Variants in MAJIN observed in about 807,000 individuals in gnomAD.
MAJIN encodes the protein membrane anchored junction protein, also known as membrane-anchored junction protein.
Under a neutral mutation model 30.2 loss-of-function variants are expected in MAJIN, and 27 were observed. That is an observed-to-expected ratio of 0.89 (90% confidence interval 0.66 to 1.23). MAJIN has a LOEUF of 1.23. Among genes scored for constraint, MAJIN ranks in the 50% most tolerant of loss-of-function variants. The pLI is 0.00. For synonymous variants in MAJIN, 78 were observed against 91.6 expected (o/e 0.85, Z 0.85); for missense variants, 253 against 260.3 (o/e 0.97, Z 0.19).
chr11:64,956,968 T>A (rs936937364), intron 3 of MAJIN, among the ~76,000 whole-genome samples: 1 of 152,090 alleles, frequency 6.6e-6, no homozygotes, highest in Non-Finnish European at 1.5e-5. Flanking sequence ...GGTTTCACCA[T>A]GTTGGCCAGA....
At chr11:64,955,954 G>A (rs2136779260) in intron 3 of MAJIN, among the ~76,000 whole-genome samples, 1 of 152,292 alleles carries the variant, frequency 6.6e-6, no homozygotes, top group South Asian at 2.1e-4. Context: ...ATCACCTGAG[G>A]TCAGGAGTTC....
intron 9 of MAJIN, among the ~76,000 whole-genome samples, 195 bp downstream of exon 9, chr11:64,940,379 G>A (rs1219739198): frequency 6.6e-6 from 1 of 152,122 alleles, no homozygotes; most frequent in Non-Finnish European, 1.5e-5. Context: ...CACTCCTTCT[G>A]GGAGCTGGGG....
chr11:64,963,945 C>A (rs1265356200), intron 1 of MAJIN, among the ~76,000 whole-genome samples: 3 of 152,136 alleles, frequency 2.0e-5, no homozygotes, highest in Admixed American at 2.0e-4. Context: ...ACTAGCTGCT[C>A]CTTCCACATT....
At chr11:64,943,940 C>T (rs1159271783) in intron 8 of MAJIN, among the ~76,000 whole-genome samples, 2 of 152,174 alleles carry the variant, frequency 1.3e-5, no homozygotes, top group Non-Finnish European at 2.9e-5. Flanking sequence ...GACTATCTGC[C>T]CAAAATCACT....
Position 64,959,296 on chromosome 11 carries a change from T to G in MAJIN, c.101+9A>C. ...TTTGCATAGGCTACCCTCCTACCTT[T>G]GAAATTACCTGATACTCTTCCCATA... On this transcript the variant is annotated intron_variant, in intron 3 of 10. Coordinates refer to ENST00000301896, the MANE Select transcript of MAJIN (RefSeq NM_001037225.3). The G allele has an allele frequency of 9.4e-6, 15 of 1,604,044 alleles. No individual in the cohort carries two copies. Among genetic ancestry groups the G allele is most frequent in the Non-Finnish European group, 1.1e-5 (13 of 1,170,906 alleles).
At chr11:64,940,240 T>C (rs1232514723) in intron 9 of MAJIN, among the ~76,000 whole-genome samples, 1 of 152,110 alleles carries the variant, frequency 6.6e-6, no homozygotes, top group Non-Finnish European at 1.5e-5. Flanking sequence ...TCTCCAACAG[T>C]ACAGAAAAGG....
intron 8 of MAJIN, among the ~76,000 whole-genome samples, chr11:64,945,638 T>A (rs1472749949): frequency 6.6e-6 from 1 of 151,874 alleles, no homozygotes; most frequent in Non-Finnish European, 1.5e-5. Context: ...TGGGTTCAAG[T>A]GATTCTCCTG....
intron 3 of MAJIN, among the ~76,000 whole-genome samples, chr11:64,958,615 A>G (rs887195280): frequency 4.6e-5 from 7 of 150,974 alleles, no homozygotes; most frequent in African/African-American, 1.7e-4. Flanking sequence ...AAAAAAAAAA[A>G]AAGAAAGAAA....
At chr11:64,945,867 C>T (rs1429461015) in intron 8 of MAJIN, among the ~76,000 whole-genome samples, 1 of 152,134 alleles carries the variant, frequency 6.6e-6, no homozygotes, top group Admixed American at 6.5e-5. Flanking sequence ...AAAAATTCAT[C>T]GATGCGTGTA....
At chr11:64,954,867 A>C (rs1945607976) in intron 3 of MAJIN, 65 bp from the exon 4 acceptor site, 4 of 1,396,716 alleles carry the variant, frequency 2.9e-6, no homozygotes, top group Admixed American at 2.2e-5. Context: ...AGTAGACTCT[A>C]CTAGGGCAAA....
At chr11:64,958,189 C>CA (rs1554972280) in intron 3 of MAJIN, among the ~76,000 whole-genome samples, 1 of 150,000 alleles carries the variant, frequency 6.7e-6, no homozygotes, top group Admixed American at 6.6e-5. Context: ...GATTCACCCC[C>CA]CCGCCCCACC....
intron 8 of MAJIN, among the ~76,000 whole-genome samples, chr11:64,943,135 C>T (rs1945402957): frequency 1.3e-5 from 2 of 152,202 alleles, no homozygotes; most frequent in Non-Finnish European, 2.9e-5. Flanking sequence ...AAACCTGATG[C>T]AAGACTGTCC....
At chr11:64,943,208 A>G (rs77107562) in intron 8 of MAJIN, among the ~76,000 whole-genome samples, 2,467 of 152,242 alleles carry the variant, frequency 0.016, 81 homozygotes, top group African/African-American at 0.056. Flanking sequence ...CAAAACAACA[A>G]CAACAACAAA....
At chr11:64,961,479 T>C (rs1345235146) in intron 1 of MAJIN, among the ~76,000 whole-genome samples, 1 of 126,836 alleles carries the variant, frequency 7.9e-6, no homozygotes, top group East Asian at 2.2e-4. Flanking sequence ...TTTTTTTTTT[T>C]TTTTTTTTTT....
intron 1 of MAJIN, among the ~76,000 whole-genome samples, chr11:64,963,168 T>C (rs1945754417): frequency 6.6e-6 from 1 of 152,250 alleles, no homozygotes; most frequent in South Asian, 2.1e-4. Flanking sequence ...AGAGCACTAC[T>C]TTCCAGGAAA....
chr11:64,968,376 T>A (rs139023049), intron 1 of MAJIN, among the ~76,000 whole-genome samples: 101 of 152,070 alleles, frequency 6.6e-4, no homozygotes, highest in African/African-American at 2.3e-3. Context: ...GCTCAAGCAA[T>A]CCTCCCACCT....
At chr11:64,947,941 C>G (rs781304447) in intron 6 of MAJIN, 122 bp from the exon 7 acceptor site, 2 of 846,406 alleles carry the variant, frequency 2.4e-6, no homozygotes, top group Non-Finnish European at 3.8e-6. Flanking sequence ...CTCACTGCAA[C>G]CTCCGCCTCT....
Position 64,964,752 on chromosome 11 carries a change from A to G in MAJIN, c.-64-4617T>C, listed in dbSNP as rs368963883. ...CAGGCACCCACCACCACACCTGGCT[A>G]ATTTTTGTATTTTCTGTAGATATGG... On this transcript the variant is annotated intron_variant, in intron 1 of 10. Coordinates refer to ENST00000301896, the MANE Select transcript of MAJIN (RefSeq NM_001037225.3). Among the ~76,000 whole-genome samples the G allele has an allele frequency of 5.3e-5, 8 of 151,846 alleles. No homozygotes were observed. In the East Asian group the frequency reaches 1.4e-3, roughly 26 times the overall value.
At chr11:64,955,412 C>T (rs1476954983) in intron 3 of MAJIN, among the ~76,000 whole-genome samples, 1 of 152,122 alleles carries the variant, frequency 6.6e-6, no homozygotes, top group Non-Finnish European at 1.5e-5. Flanking sequence ...ATGCATAAAG[C>T]GCTTCTGCTG....
Sources: allele counts gnomAD v4.1 joint callset (sites outside exome capture counted in the v4.1 genomes callset), GRCh38; gene constraint gnomAD v4.1.1; transcripts MANE v1.5; gene names NCBI Gene and HGNC (gene_info 2026-07-23, HGNC 2026-07-21).